The following FOCAD variants were observed in gnomAD, a reference collection of about 807,000 sequenced individuals.
FOCAD encodes KIAA1797.
Under a neutral mutation model 225.6 loss-of-function variants are expected in FOCAD, and 198 were observed. That is an observed-to-expected ratio of 0.88 (90% CI 0.78 to 0.99). FOCAD has a LOEUF of 0.99. FOCAD is among the 50% of genes least tolerant of loss of function. The probability of loss-of-function intolerance (pLI) is 0.00; values close to 1 mark genes in which losing one functional copy is unlikely to be tolerated. For synonymous variants in FOCAD, 897 were observed against 755.0 expected, an observed-to-expected ratio of 1.19 and a Z score of -3.08; for missense variants, 2,713 against 2,123.6, an observed-to-expected ratio of 1.28 and a Z score of -5.46.
intron 21 of FOCAD, among the ~76,000 whole-genome samples, chr9:20,904,628 CA>C (rs1832805586): frequency 6.6e-6 from 1 of 151,942 alleles, no homozygotes; most frequent in Non-Finnish European, 1.5e-5. Context: ...TTCCCTAAGC[CA>C]TAGGACTGTT....
chr9:20,853,926 ATC>A (rs1827915876), intron 15 of FOCAD, among the ~76,000 whole-genome samples: 1 of 151,724 alleles, frequency 6.6e-6, no homozygotes, highest in Non-Finnish European at 1.5e-5. Context: ...TCTCTTCAAA[ATC>A]TCTCTTATCC....
At chr9:20,872,193 C>G (rs1414573544) in intron 18 of FOCAD, among the ~76,000 whole-genome samples, 2 of 152,192 alleles carry the variant, frequency 1.3e-5, no homozygotes, top group South Asian at 4.1e-4. Context: ...TAATATAGCA[C>G]ACAGTTACGT....
intron 2 of FOCAD, among the ~76,000 whole-genome samples, chr9:20,676,454 C>T (rs543294923): frequency 2.6e-5 from 4 of 152,258 alleles, no homozygotes; most frequent in African/African-American, 9.6e-5. Flanking sequence ...TGGCAGACTT[C>T]ATCATGTTTC....
chr9:20,949,562 T>A (rs940732876), intron 32 of FOCAD, 42 bp from the exon 33 acceptor site: 2 of 1,370,536 alleles, frequency 1.5e-6, no homozygotes, highest in African/African-American at 3.2e-5. Context: ...TTAACTTTTT[T>A]ATGGGGGTGG....
chr9:20,793,080 C>T (rs551524033), intron 11 of FOCAD, among the ~76,000 whole-genome samples: 1 of 152,282 alleles, frequency 6.6e-6, no homozygotes, highest in East Asian at 1.9e-4. Flanking sequence ...AGTCAGTCGG[C>T]TACCTGTATT....
Position 20,865,964 on chromosome 9 carries a change from T to C in FOCAD, c.2094T>C (p.His698=). 2.5e-6 allele frequency: 4 copies of C among 1,608,360 alleles called. No homozygotes were observed. The highest frequency in any genetic ancestry group is 3.4e-6 in the Non-Finnish European group (4 of 1,177,450). ...AAGTCCTCAGCTTCCTCTGGACTCA[T>C]ACTCAAAACAAGGTACTATCACAAG... ...KVQVLSFLWT[H]TQNKDPIVAN... is the part of the protein sequence containing the mutation. The change falls in exon 17 of 44, where the codon CAT becomes CAC. Residue 698 remains histidine (H), a synonymous_variant. Transcript: ENST00000338382.
chr9:20,698,315 A>G (rs986186209), intron 1 of FOCAD, among the ~76,000 whole-genome samples: 4 of 151,784 alleles, frequency 2.6e-5, no homozygotes, highest in African/African-American at 7.3e-5. Flanking sequence ...TTAATTCTAT[A>G]TTTCTCTCTA....
chr9:20,693,371 CCTCT>C (rs1278931285), intron 1 of FOCAD, among the ~76,000 whole-genome samples: 1 of 152,134 alleles, frequency 6.6e-6, no homozygotes, highest in African/African-American at 2.4e-5. Flanking sequence ...AAAATAGAAA[CCTCT>C]CTCTCTAATA....
intron 11 of FOCAD, among the ~76,000 whole-genome samples, chr9:20,809,410 T>G (rs950204995): frequency 6.6e-6 from 1 of 152,136 alleles, no homozygotes; most frequent in Non-Finnish European, 1.5e-5. Flanking sequence ...TTAATTTTAG[T>G]TAATTTAAAT....
intron 11 of FOCAD, among the ~76,000 whole-genome samples, chr9:20,806,333 C>T (rs1050303320): frequency 9.2e-5 from 14 of 152,150 alleles, no homozygotes; most frequent in South Asian, 2.1e-4. Context: ...CTGCCTCTTT[C>T]GGCCTCTTAG....
intron 30 of FOCAD, among the ~76,000 whole-genome samples, chr9:20,947,321 A>G (rs1165057322): frequency 6.6e-6 from 1 of 152,216 alleles, no homozygotes; most frequent in Non-Finnish European, 1.5e-5. Flanking sequence ...AACCTTAAAA[A>G]AGAAGGAAGT....
At chr9:20,907,877 T>G (rs1435731949) in intron 22 of FOCAD, among the ~76,000 whole-genome samples, 2 of 152,194 alleles carry the variant, frequency 1.3e-5, no homozygotes, top group African/African-American at 4.8e-5. Flanking sequence ...TTCTTGTATC[T>G]GAGCTTTCCT....
chr9:20,891,980 A>G (rs1427325917), intron 21 of FOCAD, among the ~76,000 whole-genome samples: 2 of 152,150 alleles, frequency 1.3e-5, no homozygotes, highest in Non-Finnish European at 2.9e-5. Flanking sequence ...CTTTACTTAA[A>G]ATTCTGAAAA....
At chr9:20,854,299 A>G (rs759375814) in intron 15 of FOCAD, among the ~76,000 whole-genome samples, 1 of 150,508 alleles carries the variant, frequency 6.6e-6, no homozygotes, top group Admixed American at 6.6e-5. Context: ...GAGGTTCACT[A>G]TTTTTTTTTC....
chr9:20,764,296 C>A (rs1050335933), intron 6 of FOCAD, among the ~76,000 whole-genome samples: 1 of 152,132 alleles, frequency 6.6e-6, no homozygotes, highest in Admixed American at 6.5e-5. Flanking sequence ...GCTCTGTTGC[C>A]AGGCTGGAGT....
chr9:20,827,945 G>A (rs909735874), intron 15 of FOCAD, among the ~76,000 whole-genome samples: 1 of 152,014 alleles, frequency 6.6e-6, no homozygotes, highest in African/African-American at 2.4e-5. Context: ...GGCCAAGGTG[G>A]GCAGATGGCT....
intron 15 of FOCAD, among the ~76,000 whole-genome samples, chr9:20,834,707 G>C (rs1376178851): frequency 6.6e-6 from 1 of 151,954 alleles, no homozygotes; most frequent in Non-Finnish European, 1.5e-5. Context: ...TAGTCTTGGG[G>C]TGGGAGTAGG....
chr9:20,918,652 A>T (rs1353678411), intron 24 of FOCAD, among the ~76,000 whole-genome samples: 1 of 151,314 alleles, frequency 6.6e-6, no homozygotes, highest in Admixed American at 6.6e-5. Flanking sequence ...TGAACCCGGG[A>T]GGCGGAGCTT....
chr9:20,841,371 A>G (rs10964735), intron 15 of FOCAD, among the ~76,000 whole-genome samples: 52,352 of 150,654 alleles, frequency 0.35, 9,246 homozygotes, highest in East Asian at 0.47. Flanking sequence ...GGCCATTTAC[A>G]TCAGTGAAGC....
Sources: allele counts gnomAD v4.1 joint callset (sites outside exome capture counted in the v4.1 genomes callset), GRCh38; gene constraint gnomAD v4.1.1; transcripts MANE v1.5; gene names NCBI Gene and HGNC (gene_info 2026-07-23, HGNC 2026-07-21).